The following PTPRZ1 variants were observed in gnomAD, a reference collection of about 807,000 sequenced individuals.
PTPRZ1 encodes the protein protein tyrosine phosphatase receptor type Z1.
Under a neutral mutation model 214.1 loss-of-function variants are expected in PTPRZ1, and 82 were observed. The observed-to-expected ratio is 0.38, with a 90% CI of 0.32 to 0.46. The LOEUF (loss-of-function observed/expected upper bound fraction) is 0.46, where lower values mean the gene tolerates loss of function less well. Ranked by LOEUF, PTPRZ1 falls within the 20% of genes least tolerant of loss-of-function variation. The pLI is 1.00. For missense variants in PTPRZ1, 2,603 were observed against 2,748.7 expected, an observed-to-expected ratio of 0.95 and a Z score of 1.19; for synonymous variants, 945 against 987.9, an observed-to-expected ratio of 0.96 and a Z score of 0.81.
intron 1 of PTPRZ1, among the ~76,000 whole-genome samples, chr7:121,927,227 C>T (rs972834283): frequency 6.6e-6 from 1 of 152,204 alleles, no homozygotes; most frequent in African/African-American, 2.4e-5. Context: ...GTAGCTTTCT[C>T]TACAGAAACA....
At chr7:121,937,412 T>C (rs1796117047) in intron 2 of PTPRZ1, among the ~76,000 whole-genome samples, 1 of 151,988 alleles carries the variant, frequency 6.6e-6, no homozygotes, top group Non-Finnish European at 1.5e-5. Flanking sequence ...AGGTTCCCAG[T>C]TCATTGTGAT....
chr7:121,960,688 T>C (rs1231739113), intron 2 of PTPRZ1, among the ~76,000 whole-genome samples: 1 of 152,190 alleles, frequency 6.6e-6, no homozygotes, highest in African/African-American at 2.4e-5. Flanking sequence ...TCTTTGACTT[T>C]TATTTCATCT....
intron 1 of PTPRZ1, among the ~76,000 whole-genome samples, chr7:121,921,185 A>T (rs59554175): frequency 0.02 from 3,027 of 152,296 alleles, 92 homozygotes; most frequent in African/African-American, 0.069. Context: ...GATAAATTAC[A>T]TTAGCTTAAA....
At chr7:121,897,764 A>G (rs1183918485) in intron 1 of PTPRZ1, among the ~76,000 whole-genome samples, 7 of 152,176 alleles carry the variant, frequency 4.6e-5, no homozygotes, top group Non-Finnish European at 1.0e-4. Flanking sequence ...TGTAGTGAAT[A>G]TATTTACGGC....
chr7:121,921,884 A>G (rs555909461), intron 1 of PTPRZ1, among the ~76,000 whole-genome samples: 9 of 152,336 alleles, frequency 5.9e-5, no homozygotes, highest in South Asian at 4.1e-4. Flanking sequence ...TAAACAAACC[A>G]TACTATCTGA....
At chr7:121,948,035 A>G (rs183169340) in intron 2 of PTPRZ1, among the ~76,000 whole-genome samples, 277 of 152,274 alleles carry the variant, frequency 1.8e-3, no homozygotes, top group African/African-American at 6.2e-3. Flanking sequence ...AGTTATTCTG[A>G]AAATGTGAAT....
At chr7:121,969,204 C>G (rs1016124245) in intron 3 of PTPRZ1, among the ~76,000 whole-genome samples, 3 of 152,102 alleles carry the variant, frequency 2.0e-5, no homozygotes, top group African/African-American at 7.2e-5. Context: ...TGCCACTGCA[C>G]TCCAGCCTGG....
At chr7:121,969,338 G>A (rs1797146831) in intron 3 of PTPRZ1, among the ~76,000 whole-genome samples, 1 of 152,122 alleles carries the variant, frequency 6.6e-6, no homozygotes, top group Non-Finnish European at 1.5e-5. Context: ...AAGGTGGGTG[G>A]ATCACCTGAG....
intron 17 of PTPRZ1, among the ~76,000 whole-genome samples, chr7:122,035,336 T>G (rs902867653): frequency 7.2e-5 from 11 of 152,196 alleles, no homozygotes; most frequent in Non-Finnish European, 4.4e-5. Context: ...GGGCTTTATG[T>G]TTGTCTTCCT....
chr7:121,973,621 A>T (rs779797174), intron 4 of PTPRZ1, among the ~76,000 whole-genome samples: 9 of 152,104 alleles, frequency 5.9e-5, no homozygotes, highest in Non-Finnish European at 1.2e-4. Context: ...TAAATGAGGG[A>T]TTGACTTATT....
At chr7:122,014,752 G>GTATT (rs1344823771) in intron 12 of PTPRZ1, among the ~76,000 whole-genome samples, 5 of 152,042 alleles carry the variant, frequency 3.3e-5, no homozygotes, top group East Asian at 1.9e-4. Flanking sequence ...AGGTATTTAT[G>GTATT]TATTTATTTA....
At chr7:122,034,065 T>G (rs749546028) in intron 15 of PTPRZ1, 30 bp from the exon 16 acceptor site, 213 of 1,569,172 alleles carry the variant, frequency 1.4e-4, no homozygotes, top group Non-Finnish European at 1.8e-4. Flanking sequence ...TTTGATTTCT[T>G]TACTTTTTTG....
intron 6 of PTPRZ1, among the ~76,000 whole-genome samples, chr7:121,982,110 A>G (rs1330143035): frequency 6.6e-6 from 1 of 152,150 alleles, no homozygotes; most frequent in Non-Finnish European, 1.5e-5. Context: ...ACTTTTTTCC[A>G]TGAGGATATT....
In PTPRZ1 at chr7:122,038,742, T is replaced by A; in HGVS notation, c.5368-13T>A. ...ATCAGTTAGTAGGAAACATTTGTCA[T>A]TTAATTCTTCAGGGCTACAACAGAC... On this transcript the variant is annotated splice_polypyrimidine_tract_variant and intron_variant, in intron 18 of 29. Coordinates refer to ENST00000393386, the MANE Select transcript of PTPRZ1 (RefSeq NM_002851.3). 6.2e-7 allele frequency: 1 copy of A among 1,611,862 alleles called. No homozygotes were observed. The highest frequency in any genetic ancestry group is 8.5e-7 in the Non-Finnish European group (1 of 1,178,590).
intron 2 of PTPRZ1, among the ~76,000 whole-genome samples, chr7:121,943,397 G>A (rs1461465673): frequency 2.6e-5 from 4 of 151,966 alleles, no homozygotes; most frequent in Admixed American, 6.6e-5. Context: ...GTGCAGTGGC[G>A]CGATCTCGGC....
intron 1 of PTPRZ1, among the ~76,000 whole-genome samples, chr7:121,916,097 A>C (rs1795416659): frequency 6.6e-6 from 1 of 151,888 alleles, no homozygotes; most frequent in Non-Finnish European, 1.5e-5. Context: ...AACATGGTAA[A>C]ACCCCGTCTC....
intron 3 of PTPRZ1, among the ~76,000 whole-genome samples, chr7:121,970,091 G>T (rs1181428871): frequency 1.3e-5 from 2 of 151,656 alleles, no homozygotes; most frequent in African/African-American, 2.4e-5. Context: ...TGAGAATGAT[G>T]GTTTCCAGCT....
intron 1 of PTPRZ1, among the ~76,000 whole-genome samples, chr7:121,897,388 A>AT (rs1794818180): frequency 6.6e-6 from 1 of 152,188 alleles, no homozygotes; most frequent in Non-Finnish European, 1.5e-5. Context: ...AAAATGTAAC[A>AT]TGACTTCTTC....
chr7:122,046,272 G>C (rs1371476639), intron 23 of PTPRZ1, among the ~76,000 whole-genome samples: 1 of 152,074 alleles, frequency 6.6e-6, no homozygotes, highest in Non-Finnish European at 1.5e-5. Context: ...AGCTGGGTGG[G>C]TGGCATGAGC....
Sources: allele counts gnomAD v4.1 joint callset (sites outside exome capture counted in the v4.1 genomes callset), GRCh38; gene constraint gnomAD v4.1.1; transcripts MANE v1.5; gene names NCBI Gene and HGNC (gene_info 2026-07-23, HGNC 2026-07-21).